Variants in TPGS2 observed in about 807,000 individuals in gnomAD.
TPGS2 encodes polyglutamylase subunit 2.
Under a neutral mutation model 31.1 loss-of-function variants are expected in TPGS2, and 26 were observed. The observed-to-expected ratio is 0.84, with a 90% CI of 0.61 to 1.16. The LOEUF is 1.16. TPGS2 is among the 50% of genes most tolerant of loss of function. The pLI, the probability that TPGS2 is intolerant of heterozygous loss-of-function variation, is 0.00. For missense variants in TPGS2, 351 were observed against 363.8 expected (o/e 0.96, Z 0.29); for synonymous variants, 130 against 136.6 (o/e 0.95, Z 0.34).
Position 36,795,829 on chromosome 18 carries a change from C to CAA in TPGS2, c.*975_*976insTT. 1.0e-6 allele frequency: 1 copy of CAA among 985,466 alleles called. No homozygotes were observed. The highest frequency in any genetic ancestry group is 1.2e-6 in the Non-Finnish European group (1 of 829,960). The allele number at this position is 985,466 out of a possible 1,614,324, so 61.0% of individuals were successfully genotyped here. On this transcript the variant is annotated 3_prime_UTR_variant, in exon 7 of 7. Transcript: ENST00000334295. ...CCAGGCAAAGTGAGGCTGGACAACT[C>CAA]AGAGCTGTGAAGAGGCAGGCAGAGC...
At chr18:36,798,405 T>G (rs376897968) in intron 6 of TPGS2, 44 bp downstream of exon 6, 2 of 1,611,602 alleles carry the variant, frequency 1.2e-6, no homozygotes, top group Admixed American at 3.3e-5. Context: ...TCAGTAGATT[T>G]TGGAATATAC....
chr18:36,809,322 A>G (rs1202920805), intron 2 of TPGS2, among the ~76,000 whole-genome samples: 1 of 152,232 alleles, frequency 6.6e-6, no homozygotes, highest in African/African-American at 2.4e-5. Flanking sequence ...AACTATAGAT[A>G]AAGAGAAAGC....
At chr18:36,785,766 T>C (rs929802076) in intron 6 of TPGS2, among the ~76,000 whole-genome samples, 75 of 152,148 alleles carry the variant, frequency 4.9e-4, no homozygotes, top group Non-Finnish European at 8.7e-4. Flanking sequence ...GCATTATATG[T>C]ATAGGAAAAT....
At chr18:36,818,782 G>A (rs1223224824) in intron 2 of TPGS2, 112 bp downstream of exon 2, 1 of 977,548 alleles carries the variant, frequency 1.0e-6, no homozygotes, top group Non-Finnish European at 1.5e-6. Context: ...ACTCTACCTT[G>A]AAAGCAGCTG....
downstream of TPGS2, among the ~76,000 whole-genome samples, chr18:36,792,494 A>G (rs2044348677): frequency 6.6e-6 from 1 of 152,248 alleles, no homozygotes; most frequent in South Asian, 2.1e-4. Context: ...TAGTCATTAT[A>G]TATGCTTTAC....
chr18:36,812,521 ATGG>A (rs2045476077), intron 2 of TPGS2, among the ~76,000 whole-genome samples: 6 of 152,222 alleles, frequency 3.9e-5, no homozygotes, highest in Non-Finnish European at 5.9e-5. Context: ...GTGCTCTCGG[ATGG>A]CAGGGAAGTT....
At chr18:36,786,779 CAG>C (rs762749825) in intron 6 of TPGS2, 6 of 1,232,190 alleles carry the variant, frequency 4.9e-6, no homozygotes, top group Admixed American at 4.2e-5. Flanking sequence ...CCTTGGCCAG[CAG>C]AGAGTCTGTT....
intron 6 of TPGS2, 95 bp from the exon 7 acceptor site, chr18:36,797,145 A>G (rs2044568991): frequency 6.4e-7 from 1 of 1,558,166 alleles, no homozygotes; most frequent in East Asian, 2.3e-5. Flanking sequence ...TGGGAACAGG[A>G]GGCAGAGGTA....
chr18:36,796,212 C>CA lies in TPGS2; in HGVS notation c.*592dup. 2.0e-6 allele frequency: 2 copies of CA among 985,328 alleles called. No individual in the cohort carries two copies. Among genetic ancestry groups the CA allele is most frequent in the South Asian group, 4.7e-5 (1 of 21,284 alleles). 61.0% of individuals were successfully genotyped at this position (985,328 alleles called of 1,614,324 possible). A position where few individuals can be genotyped will look rare whatever the true frequency, so the allele number is the denominator to read the frequency against. On this transcript the variant is annotated 3_prime_UTR_variant, in exon 7 of 7. Coordinates refer to ENST00000334295, the MANE Select transcript of TPGS2 (RefSeq NM_015476.4). Reference sequence around the variant, plus strand: ...ATGACCCATCCAATGAAGACATCAACATTAACAACAAAAATTAATTGAGGA... The same window carrying CA: ...ATGACCCATCCAATGAAGACATCAACAATTAACAACAAAAATTAATTGAGGA...
intron 4 of TPGS2, among the ~76,000 whole-genome samples, chr18:36,801,417 T>C (rs1341805838): frequency 6.6e-6 from 1 of 152,186 alleles, no homozygotes; most frequent in Non-Finnish European, 1.5e-5. Context: ...CATTGTAGCC[T>C]TGACCTCCTG....
rs146395912 is a variant in TPGS2 at position 36,787,287 on chromosome 18, G to A, written c.658-4156C>T. Among the ~76,000 whole-genome samples, 5 of 152,224 alleles carry A rather than the reference G, an allele frequency of 3.3e-5. No individual in the cohort carries two copies. In the Middle Eastern group the frequency reaches 0.01, roughly 311 times the overall value. On this transcript the variant is annotated intron_variant, in intron 6 of 6. Transcript: ENST00000587129. ...ATTCAGTTGGCCCAGCTAAGCAGAG[G>A]GTTTGGCTTTTTCTCTTTCAGAAAA...
rs956925561 is a variant in TPGS2 at position 36,794,505 on chromosome 18, C to T, written c.*2300G>A. 4.1e-6 allele frequency: 4 copies of T among 985,216 alleles called. No individual in the cohort carries two copies. Among genetic ancestry groups the T allele is most frequent in the Admixed American group, 6.2e-5 (1 of 16,258 alleles). 61.0% of individuals were successfully genotyped at this position (985,216 alleles called of 1,614,324 possible). On this transcript the variant is annotated 3_prime_UTR_variant, in exon 7 of 7. Coordinates refer to ENST00000334295, the MANE Select transcript of TPGS2 (RefSeq NM_015476.4). ...GAAATGCTGTGATTCGGGGGATCTC[C>T]AAGTACTAAAAAAGGGGTATCTGCT... is the stretch of plus-strand genomic sequence containing the variant.
At position 36,818,988 on chromosome 18, in the gene TPGS2, A is replaced by G; in HGVS notation, c.86-15T>C. The G allele has an allele frequency of 1.2e-6, 2 of 1,605,204 alleles. No individual in the cohort carries two copies. The highest frequency in any genetic ancestry group is 1.7e-6 in the Non-Finnish European group (2 of 1,174,412). ...TGGGGAAGATTCTGGAAGAGAAAAA[A>G]GAGTCTGTAGAGTTGCAATTGGTCC... On this transcript the variant is annotated splice_polypyrimidine_tract_variant and intron_variant, in intron 1 of 6. Transcript: ENST00000334295.
intron 2 of TPGS2, among the ~76,000 whole-genome samples, chr18:36,816,919 A>G (rs998285560): frequency 2.6e-5 from 4 of 152,194 alleles, no homozygotes; most frequent in Non-Finnish European, 5.9e-5. Context: ...CAGTTCTACT[A>G]ATACCTAAAG....
intron 2 of TPGS2, chr18:36,817,791 A>G (rs1314114344): frequency 6.6e-6 from 1 of 152,198 alleles, no homozygotes; most frequent in African/African-American, 2.4e-5. Context: ...GGAGATACCA[A>G]TACCCACCTT....
At chr18:36,828,146 C>T (rs1433452356) in intron 1 of TPGS2, among the ~76,000 whole-genome samples, 1 of 143,388 alleles carries the variant, frequency 7.0e-6, no homozygotes, top group East Asian at 1.9e-4. Context: ...CCAGCCTGGG[C>T]AACAAGAGCA....
chr18:36,799,343 G>A (rs2044689819), intron 5 of TPGS2, among the ~76,000 whole-genome samples: 1 of 152,142 alleles, frequency 6.6e-6, no homozygotes, highest in Non-Finnish European at 1.5e-5. Flanking sequence ...TCAAAGCTCT[G>A]CATCAGAGAC....
At chr18:36,801,323 G>GTTTA (rs1229613901) in intron 4 of TPGS2, among the ~76,000 whole-genome samples, 1 of 152,130 alleles carries the variant, frequency 6.6e-6, no homozygotes, top group East Asian at 1.9e-4. Flanking sequence ...AGAATTCTAG[G>GTTTA]TTTATTTTAT....
chr18:36,813,885 T>G (rs2045540681), intron 2 of TPGS2, among the ~76,000 whole-genome samples: 1 of 152,076 alleles, frequency 6.6e-6, no homozygotes, highest in South Asian at 2.1e-4. Flanking sequence ...GAGCATGAAG[T>G]GAGGGGGTCA....
Sources: gnomAD v4.1 joint callset for allele counts (sites outside exome capture counted in the v4.1 genomes callset) on GRCh38, gnomAD v4.1.1 for gene constraint, MANE v1.5 for transcripts, NCBI Gene and HGNC (gene_info 2026-07-23, HGNC 2026-07-21) for gene names.